Variants in HDC observed in about 807,000 individuals in gnomAD.
The protein encoded by HDC is histidine decarboxylase.
Under a neutral mutation model 64.4 loss-of-function variants are expected in HDC, and 27 were observed. That is an observed-to-expected ratio of 0.42 (90% CI 0.31 to 0.58). The LOEUF is 0.58. HDC is among the 20% of genes least tolerant of loss of function. The pLI, the probability that HDC is intolerant of heterozygous loss-of-function variation, is 0.16. For synonymous variants in HDC, 305 were observed against 314.2 expected (o/e 0.97, Z 0.31); for missense variants, 711 against 833.9 (o/e 0.85, Z 1.81).
At chr15:50,259,718 G>A (rs374727433) in intron 2 of HDC, among the ~76,000 whole-genome samples, 14 of 152,144 alleles carry the variant, frequency 9.2e-5, no homozygotes, top group East Asian at 5.8e-4. Context: ...AGCTCCCTTC[G>A]ATCCCTTCCC....
Position 50,259,645 on chromosome 15 carries a change from C to A in HDC, c.205-1128G>T, listed in dbSNP as rs145075717. Among the ~76,000 whole-genome samples the A allele has an allele frequency of 4.6e-5, 7 of 152,298 alleles. No homozygotes were observed. The East Asian group carries it at 1.4e-3, about 29-fold the overall frequency. ...CTATAAAGACATGACCTTCCAAAAC[C>A]TGCCAGTTCTTAGAAAGCTACTAAA... On this transcript the variant is annotated intron_variant, in intron 2 of 11. Coordinates refer to ENST00000267845, the MANE Select transcript of HDC (RefSeq NM_002112.4).
chr15:50,262,989 G>C (rs2045723640), intron 2 of HDC, among the ~76,000 whole-genome samples: 1 of 152,204 alleles, frequency 6.6e-6, no homozygotes, highest in Non-Finnish European at 1.5e-5. Context: ...GTTCTGGCCA[G>C]CCCTGCCCTG....
At chr15:50,254,701 T>C in intron 4 of HDC, 37 bp from the exon 5 acceptor site, 14 of 1,612,716 alleles carry the variant, frequency 8.7e-6, no homozygotes, top group Non-Finnish European at 1.2e-5. Context: ...AGCCTTTCTG[T>C]ATTCTCTTGC....
chr15:50,259,466 G>A (rs2045674708), intron 2 of HDC, among the ~76,000 whole-genome samples: 1 of 152,120 alleles, frequency 6.6e-6, no homozygotes, highest in Non-Finnish European at 1.5e-5. Flanking sequence ...GGGCAGGAAG[G>A]GCCCCCCATC....
chr15:50,265,664 G>A lies in HDC; in HGVS notation c.-41C>T. 1.2e-6 allele frequency: 2 copies of A among 1,606,716 alleles called. No homozygotes were observed. Among genetic ancestry groups the A allele is most frequent in the African/African-American group, 2.7e-5 (2 of 74,886 alleles). On this transcript the variant is annotated 5_prime_UTR_variant, in exon 1 of 12. Transcript: ENST00000267845. ...GCTCCTTCTCACAGATGGACACGCA[G>A]GAGGTGGAAGGCGTGAAAGGCGTGG...
At chr15:50,264,930 A>T (rs1325312560) in intron 1 of HDC, among the ~76,000 whole-genome samples, 1 of 152,226 alleles carries the variant, frequency 6.6e-6, no homozygotes, top group African/African-American at 2.4e-5. Context: ...TATCCACAGG[A>T]ACTTGCTCTC....
chr15:50,264,387 AT>A (rs912160737), intron 1 of HDC, among the ~76,000 whole-genome samples: 4 of 152,074 alleles, frequency 2.6e-5, no homozygotes, highest in African/African-American at 9.7e-5. Flanking sequence ...GTGGCACCAA[AT>A]CTTAATGACT....
intron 7 of HDC, chr15:50,253,339 A>G: frequency 1.8e-6 from 1 of 544,418 alleles, no homozygotes; most frequent in Non-Finnish European, 3.3e-6. Flanking sequence ...AGAGGATGAG[A>G]AAACCGAAGG....
chr15:50,243,918 T>C (rs1486944721), intron 10 of HDC, among the ~76,000 whole-genome samples: 1 of 152,254 alleles, frequency 6.6e-6, no homozygotes, highest in Non-Finnish European at 1.5e-5. Context: ...CTGGAAATAA[T>C]GGTGATGGTC....
At chr15:50,246,498 G>GAGGGTAGTTCAGGTGAAGGAC (rs2045483653) in intron 10 of HDC, among the ~76,000 whole-genome samples, 1 of 152,196 alleles carries the variant, frequency 6.6e-6, no homozygotes. Flanking sequence ...TTGGAGAGGA[G>GAGGGTAGTTCAGGTGAAGGAC]AGGGTAGTTC....
intron 6 of HDC, 81 bp from the exon 7 acceptor site, chr15:50,253,747 C>A (rs558874654): frequency 1.9e-6 from 2 of 1,061,252 alleles, no homozygotes; most frequent in Non-Finnish European, 2.9e-6. Flanking sequence ...TCACCACAGA[C>A]GTGATCTACT....
chr15:50,257,563 G>T lies in HDC; in HGVS notation c.319-16C>A. On this transcript the variant is annotated splice_polypyrimidine_tract_variant and intron_variant, in intron 3 of 11. Coordinates refer to ENST00000267845, the MANE Select transcript of HDC (RefSeq NM_002112.4). ...GGCTGGATGCCTGAGAAAGGAAAAG[G>T]AACTTCAAACTGCACAGCCCCAGGG... 1.2e-6 allele frequency: 2 copies of T among 1,613,850 alleles called. No homozygotes were observed. The highest frequency in any genetic ancestry group is 1.1e-5 in the South Asian group (1 of 91,052).
chr15:50,251,808 G>A (rs554419344), intron 9 of HDC, among the ~76,000 whole-genome samples: 52 of 150,896 alleles, frequency 3.4e-4, no homozygotes, highest in African/African-American at 1.1e-3. Context: ...CTCCAGCCTG[G>A]TTGACAGAGC....
At chr15:50,261,586 G>A (rs1232506236) in intron 2 of HDC, among the ~76,000 whole-genome samples, 3 of 141,314 alleles carry the variant, frequency 2.1e-5, no homozygotes, top group African/African-American at 8.0e-5. Context: ...TTGGAGACCA[G>A]CTTGGGCAAC....
Position 50,265,656 on chromosome 15 carries a change from G to C in HDC, c.-33C>G. 6.2e-7 allele frequency: 1 copy of C among 1,612,144 alleles called. No individual in the cohort carries two copies. The highest frequency in any genetic ancestry group is 8.5e-7 in the Non-Finnish European group (1 of 1,178,276). Reference sequence around the variant, plus strand: ...GGGCTCTGGCTCCTTCTCACAGATGGACACGCAGGAGGTGGAAGGCGTGAA... The same window carrying C: ...GGGCTCTGGCTCCTTCTCACAGATGCACACGCAGGAGGTGGAAGGCGTGAA... On this transcript the variant is annotated 5_prime_UTR_variant, in exon 1 of 12. Coordinates refer to ENST00000267845, the MANE Select transcript of HDC (RefSeq NM_002112.4).
At position 50,254,776 on chromosome 15, in the gene HDC, C is replaced by CTCTCTCTCTCTG. The variant is rs542486289; in HGVS notation, c.442-113_442-112insCAGAGAGAGAGA. The CTCTCTCTCTCTG allele has an allele frequency of 7.4e-5, 61 of 826,386 alleles. No homozygotes were observed. In the African/African-American group the frequency reaches 8.0e-4, roughly 11 times the overall value. 51.2% of individuals were successfully genotyped at this position (826,386 alleles called of 1,614,324 possible). On this transcript the variant is annotated intron_variant, in intron 4 of 11. Transcript: ENST00000267845. ...TCTCTCTCTCTCTCTCTCTCTCTCT[C>CTCTCTCTCTCTG]TGTGTGTGTATGTGTTTGTGTATGT...
At chr15:50,249,396 C>A (rs142832552) in intron 9 of HDC, among the ~76,000 whole-genome samples, 11 of 152,196 alleles carry the variant, frequency 7.2e-5, no homozygotes, top group Admixed American at 1.3e-4. Flanking sequence ...TGTCCCACTG[C>A]GTATTTATCT....
At chr15:50,252,180 A>G (rs573818773) in intron 9 of HDC, among the ~76,000 whole-genome samples, 5 of 152,284 alleles carry the variant, frequency 3.3e-5, no homozygotes, top group South Asian at 2.1e-4. Flanking sequence ...AAATGCCACA[A>G]ATATTCAGGA....
At chr15:50,256,667 T>A (rs1297889733) in intron 4 of HDC, among the ~76,000 whole-genome samples, 1 of 152,156 alleles carries the variant, frequency 6.6e-6, no homozygotes, top group Non-Finnish European at 1.5e-5. Context: ...ATTACAGGGG[T>A]GAGTCACCAT....
Sources: gnomAD v4.1 joint callset for allele counts (sites outside exome capture counted in the v4.1 genomes callset) on GRCh38, gnomAD v4.1.1 for gene constraint, MANE v1.5 for transcripts, NCBI Gene and HGNC (gene_info 2026-07-23, HGNC 2026-07-21) for gene names.